Variants in EXOSC9 observed in about 807,000 individuals in gnomAD.
EXOSC9 encodes exosome component 9, also known as exosome complex component RRP45.
Under a neutral mutation model 56.5 loss-of-function variants are expected in EXOSC9, and 38 were observed. The ratio of observed to expected loss-of-function variants is 0.67; its 90% CI spans 0.52 to 0.88. EXOSC9 has a LOEUF of 0.88. EXOSC9 is among the 40% of genes least tolerant of loss of function. The pLI, the probability that EXOSC9 is intolerant of heterozygous loss-of-function variation, is 0.00. For missense variants in EXOSC9, 559 were observed against 530.5 expected, an observed-to-expected ratio of 1.05 and a Z score of -0.53; for synonymous variants, 170 against 170.8, an observed-to-expected ratio of 0.99 and a Z score of 0.04.
Position 121,817,009 on chromosome 4 carries a change from A to G in EXOSC9, c.*153A>G. ...TTTTTAATGTGCTTTAAAATAATAAACCTTCTGGAGCATTTCTCGTCTGTT... is the reference window on the plus strand; with the variant it reads ...TTTTTAATGTGCTTTAAAATAATAAGCCTTCTGGAGCATTTCTCGTCTGTT... On this transcript the variant is annotated 3_prime_UTR_variant, in exon 12 of 12. Transcript: ENST00000243498. 1 of 737,546 alleles carries G rather than the reference A, an allele frequency of 1.4e-6. No individual in the cohort carries two copies. 45.7% of individuals were successfully genotyped at this position (737,546 alleles called of 1,614,324 possible). A position where few individuals can be genotyped will look rare whatever the true frequency, so the allele number is the denominator to read the frequency against.
chr4:121,811,343 T>A lies in EXOSC9; in HGVS notation c.739-240T>A, dbSNP rs116783785. 0.011 allele frequency among the ~76,000 whole-genome samples: 1,719 copies of A among 152,344 alleles called. 44 individuals carry two copies. Among genetic ancestry groups the A allele is most frequent in the African/African-American group, 0.039 (1,642 of 41,574 alleles). On this transcript the variant is annotated intron_variant, in intron 7 of 11. Coordinates refer to ENST00000243498, the MANE Select transcript of EXOSC9 (RefSeq NM_005033.3). ...GCATATATGTGTCTGTGGCCTCTTC[T>A]GTGGTATCTTTTATACTGTTGTATA... is the stretch of plus-strand genomic sequence containing the variant.
chr4:121,801,840 G>C lies in EXOSC9; in HGVS notation c.80G>C (p.Arg27Thr), dbSNP rs1434052146. Residue 27 changes from arginine (R) to threonine (T), a missense_variant, in exon 2 of 12, where the codon AGA becomes ACA. By Grantham distance (71) the Arg-to-Thr change is moderately conservative (BLOSUM62 -1). Coordinates refer to ENST00000243498, the MANE Select transcript of EXOSC9 (RefSeq NM_005033.3). ...TTGTGCTTACAGCGGCTGGATGGCA[G>C]ACAAACCTATGATTATAGGAACATC... The part of the protein sequence containing the change: ...AIEEKKRLDG[R>T]QTYDYRNIRI... 6.2e-7 allele frequency: 1 copy of C among 1,613,536 alleles called. No homozygotes were observed. Among genetic ancestry groups the C allele is most frequent in the Non-Finnish European group, 8.5e-7 (1 of 1,179,418 alleles).
chr4:121,814,151 C>A, intron 10 of EXOSC9, 104 bp downstream of exon 10: 1 of 696,018 alleles, frequency 1.4e-6, no homozygotes, highest in Non-Finnish European at 2.4e-6. Flanking sequence ...TATATTATCA[C>A]TGTATATAGT....
At chr4:121,813,541 C>T (rs1238373900) in intron 9 of EXOSC9, among the ~76,000 whole-genome samples, 161 bp downstream of exon 9, 1 of 152,188 alleles carries the variant, frequency 6.6e-6, no homozygotes, top group Non-Finnish European at 1.5e-5. Flanking sequence ...GAGTCATATT[C>T]TGTTGATGGT....
intron 11 of EXOSC9, 54 bp downstream of exon 11, chr4:121,816,501 G>T: frequency 8.5e-7 from 1 of 1,180,172 alleles, no homozygotes; most frequent in Non-Finnish European, 1.2e-6. Context: ...CACTTATAGA[G>T]GTTTGCTCTC....
chr4:121,801,652 T>G (rs1440401469), intron 1 of EXOSC9, 162 bp downstream of exon 1: 1 of 801,342 alleles, frequency 1.2e-6, no homozygotes, highest in Non-Finnish European at 2.1e-6. Context: ...CAGGTTCTTT[T>G]CAAGGCTCCA....
At chr4:121,816,711 T>A in intron 11 of EXOSC9, 61 bp from the exon 12 acceptor site, 1 of 1,481,218 alleles carries the variant, frequency 6.8e-7, no homozygotes, top group Non-Finnish European at 9.0e-7. Context: ...AAATGCCTCT[T>A]ATTTCAATAA....
At chr4:121,813,411 A>G in intron 9 of EXOSC9, 31 bp downstream of exon 9, 1 of 1,593,790 alleles carries the variant, frequency 6.3e-7, no homozygotes, top group Non-Finnish European at 8.6e-7. Flanking sequence ...TTGCAGTAAC[A>G]AGATTCATAA....
chr4:121,804,787 T>C (rs780095347), intron 5 of EXOSC9, 28 bp downstream of exon 5: 1 of 1,535,316 alleles, frequency 6.5e-7, no homozygotes, highest in South Asian at 1.3e-5. Context: ...CCAGGATCCT[T>C]GATATGAATG....
chr4:121,810,971 A>G lies in EXOSC9; in HGVS notation c.739-612A>G, dbSNP rs188426638. ...GGCAGTAGTTCTGAAACCCAGCTAT[A>G]TATCATATTCACATGGGAGCTTTTA... On this transcript the variant is annotated intron_variant, in intron 7 of 11. Coordinates refer to ENST00000243498, the MANE Select transcript of EXOSC9 (RefSeq NM_005033.3). 7.2e-5 allele frequency among the ~76,000 whole-genome samples: 11 copies of G among 152,338 alleles called. No homozygotes were observed. The South Asian group carries it at 1.7e-3, about 23-fold the overall frequency.
chr4:121,804,898 C>A, intron 5 of EXOSC9, 139 bp downstream of exon 5: 1 of 572,694 alleles, frequency 1.7e-6, no homozygotes, highest in Non-Finnish European at 2.9e-6. Context: ...AAGACTGAAA[C>A]TGCATATGGT....
At chr4:121,813,007 T>C (rs1198805772) in intron 8 of EXOSC9, among the ~76,000 whole-genome samples, 1 of 152,198 alleles carries the variant, frequency 6.6e-6, no homozygotes, top group African/African-American at 2.4e-5. Flanking sequence ...TAGTATATTT[T>C]AAGCACCTAG....
Position 121,813,214 on chromosome 4 carries a change from A to AG in EXOSC9, c.828-20_828-19insG. On this transcript the variant is annotated intron_variant, in intron 8 of 11. Coordinates refer to ENST00000243498, the MANE Select transcript of EXOSC9 (RefSeq NM_005033.3). ...ACCTTCCTCCCCCTTCCTTCCCACCAAAAAAACCCCCACATACAGGAAAGA... is the reference window on the plus strand; with the variant it reads ...ACCTTCCTCCCCCTTCCTTCCCACCAGAAAAAACCCCCACATACAGGAAAGA... 1 of 1,572,866 alleles carries AG rather than the reference A, an allele frequency of 6.4e-7. No homozygotes were observed. Among genetic ancestry groups the AG allele is most frequent in the Non-Finnish European group, 8.6e-7 (1 of 1,158,158 alleles).
chr4:121,802,998 G>C lies in EXOSC9; in HGVS notation c.365G>C (p.Cys122Ser), dbSNP rs1726915212. 3 of 1,613,036 alleles carry C rather than the reference G, an allele frequency of 1.9e-6. No individual in the cohort carries two copies. Among genetic ancestry groups the C allele is most frequent in the African/African-American group, 2.7e-5 (2 of 74,920 alleles). ...NSKCIDTESLCVVAGEKVWQI... is the reference protein window; with the variant it reads ...NSKCIDTESLSVVAGEKVWQI... ...AAGTGTATAGACACTGAGTCTCTCT[G>C]TGTTGTTGCTGGTGAAAAGGTGGGG... Residue 122 changes from cysteine (C) to serine (S), a missense_variant, in exon 4 of 12, where the codon TGT (cysteine) becomes TCT (serine). Physicochemically the swap from Cys to Ser is moderately radical, Grantham distance 112 (BLOSUM62 -1). Coordinates refer to ENST00000243498, the MANE Select transcript of EXOSC9 (RefSeq NM_005033.3).
chr4:121,815,820 C>T (rs1578508877), intron 10 of EXOSC9: 2 of 1,025,738 alleles, frequency 1.9e-6, no homozygotes, highest in African/African-American at 2.3e-5. Context: ...ATATACATTT[C>T]CCCCTAGCTT....
chr4:121,815,318 C>G lies in EXOSC9; in HGVS notation c.1157-1051C>G, dbSNP rs945320434. On this transcript the variant is annotated intron_variant, in intron 10 of 11. Transcript: ENST00000243498. Reference sequence around the variant, plus strand: ...CATTTTCTCACTGTTAATATCCTTGCACTTGCATATACCTCTTATATGTTT... The same window carrying G: ...CATTTTCTCACTGTTAATATCCTTGGACTTGCATATACCTCTTATATGTTT... 13 of 958,956 alleles carry G rather than the reference C, an allele frequency of 1.4e-5. 1 individual carries two copies. Among genetic ancestry groups the G allele is most frequent in the South Asian group, 9.6e-5 (2 of 20,754 alleles). The allele number at this position is 958,956 out of a possible 1,614,324, so 59.4% of individuals were successfully genotyped here. A position where few individuals can be genotyped will look rare whatever the true frequency, so the allele number is the denominator to read the frequency against.
At chr4:121,813,436 ATAT>A (rs1386879930) in intron 9 of EXOSC9, 56 bp downstream of exon 9, 3 of 1,451,706 alleles carry the variant, frequency 2.1e-6, no homozygotes, top group African/African-American at 2.8e-5. Flanking sequence ...TGGCATTATA[ATAT>A]TAGGCTATAT....
In EXOSC9 at chr4:121,816,496, A is replaced by C. The variant is rs369403322; in HGVS notation, c.1235+49A>C. The C allele has an allele frequency of 1.2e-5, 15 of 1,215,534 alleles. No individual in the cohort carries two copies. The African/African-American group carries it at 1.5e-4, about 12-fold the overall frequency. The allele number at this position is 1,215,534 out of a possible 1,614,324, so 75.3% of individuals were successfully genotyped here. Reference sequence around the variant, plus strand: ...AAATGTATACATATACTCAACACTTATAGAGGTTTGCTCTCTGGTTTTACT... The same window carrying C: ...AAATGTATACATATACTCAACACTTCTAGAGGTTTGCTCTCTGGTTTTACT... On this transcript the variant is annotated intron_variant, in intron 11 of 11. Transcript: ENST00000243498.
chr4:121,813,693 T>C lies in EXOSC9; in HGVS notation c.975-173T>C. On this transcript the variant is annotated intron_variant, in intron 9 of 11. Coordinates refer to ENST00000243498, the MANE Select transcript of EXOSC9 (RefSeq NM_005033.3). Reference sequence around the variant, plus strand: ...GCATCCATAAAATCTTGCCTGAGTTTTTTTTCTTCTTCATTGTTCAGCCAT... The same window carrying C: ...GCATCCATAAAATCTTGCCTGAGTTCTTTTTCTTCTTCATTGTTCAGCCAT... 6 of 533,890 alleles carry C rather than the reference T, an allele frequency of 1.1e-5. No homozygotes were observed. In the South Asian group the frequency reaches 2.1e-4, roughly 19 times the overall value. 33.1% of individuals were successfully genotyped at this position (533,890 alleles called of 1,614,324 possible). A position where few individuals can be genotyped will look rare whatever the true frequency, so the allele number is the denominator to read the frequency against.
Sources: allele counts gnomAD v4.1 joint callset (sites outside exome capture counted in the v4.1 genomes callset), GRCh38; gene constraint gnomAD v4.1.1; transcripts MANE v1.5; gene names NCBI Gene and HGNC (gene_info 2026-07-23, HGNC 2026-07-21).